The following DCLK1 variants were observed in gnomAD, a reference collection of about 807,000 sequenced individuals.
The protein encoded by DCLK1 is serine/threonine-protein kinase DCLK1.
In DCLK1, 16 loss-of-function variants were observed where a neutral mutation model predicts 86.2. That is an observed-to-expected ratio of 0.19 (90% confidence interval 0.13 to 0.28). The LOEUF (loss-of-function observed/expected upper bound fraction) is 0.28, where lower values mean the gene tolerates loss of function less well. DCLK1 is among the 10% of genes least tolerant of loss of function. The pLI is 1.00. For missense variants in DCLK1, 590 were observed against 940.2 expected (o/e 0.63, Z 4.87); for synonymous variants, 369 against 370.5 (o/e 1.00, Z 0.05).
At chr13:35,944,186 G>A (rs1186579942) in intron 4 of DCLK1, among the ~76,000 whole-genome samples, 1 of 152,208 alleles carries the variant, frequency 6.6e-6, no homozygotes, top group Non-Finnish European at 1.5e-5. Context: ...GACATCCTTA[G>A]GAGATTTCCT....
intron 3 of DCLK1, among the ~76,000 whole-genome samples, chr13:36,101,688 C>T (rs749748013): frequency 9.9e-5 from 15 of 152,042 alleles, no homozygotes; most frequent in Non-Finnish European, 1.5e-4. Context: ...CCCTGGTGGC[C>T]TTGCTGCTGC....
At chr13:36,074,563 C>A (rs1016197640) in intron 3 of DCLK1, among the ~76,000 whole-genome samples, 8 of 129,414 alleles carry the variant, frequency 6.2e-5, no homozygotes, top group Non-Finnish European at 1.3e-4. Context: ...ATTGCAGAAA[C>A]AGATTATCCG....
At chr13:36,045,570 G>A (rs1882879064) in intron 3 of DCLK1, among the ~76,000 whole-genome samples, 1 of 151,766 alleles carries the variant, frequency 6.6e-6, no homozygotes, top group South Asian at 2.1e-4. Flanking sequence ...TTTGTCATCA[G>A]GTCGGGTGTG....
At chr13:35,828,782 T>C (rs1273449733) in intron 8 of DCLK1, among the ~76,000 whole-genome samples, 1 of 152,178 alleles carries the variant, frequency 6.6e-6, no homozygotes, top group Non-Finnish European at 1.5e-5. Context: ...AAAGCAGAGA[T>C]GAGTTTCCGC....
At chr13:35,963,805 G>A (rs912893967) in intron 3 of DCLK1, among the ~76,000 whole-genome samples, 1 of 152,026 alleles carries the variant, frequency 6.6e-6, no homozygotes, top group African/African-American at 2.4e-5. Context: ...TCTCTAATCT[G>A]CAGCCATGTA....
chr13:36,124,021 A>G (rs989798094), intron 2 of DCLK1, among the ~76,000 whole-genome samples: 4 of 152,144 alleles, frequency 2.6e-5, no homozygotes, highest in Admixed American at 6.5e-5. Context: ...TGATTGAAGT[A>G]CCCCAACCCC....
intron 3 of DCLK1, among the ~76,000 whole-genome samples, chr13:35,989,136 G>A (rs750625415): frequency 5.3e-5 from 8 of 152,080 alleles, no homozygotes; most frequent in Non-Finnish European, 1.0e-4. Context: ...AACACCTACC[G>A]CATGCTCTGC....
At chr13:35,834,705 G>T (rs558307932) in intron 8 of DCLK1, among the ~76,000 whole-genome samples, 4 of 152,278 alleles carry the variant, frequency 2.6e-5, no homozygotes, top group African/African-American at 7.2e-5. Context: ...GTGGAGAGGT[G>T]GGGGAATGAG....
At chr13:35,856,813 A>G (rs977590384) in intron 5 of DCLK1, among the ~76,000 whole-genome samples, 1 of 152,192 alleles carries the variant, frequency 6.6e-6, no homozygotes, top group Non-Finnish European at 1.5e-5. Flanking sequence ...ATCAGTATGT[A>G]TATATATTAC....
At chr13:35,915,802 A>C (rs1419795123) in intron 4 of DCLK1, among the ~76,000 whole-genome samples, 2 of 152,220 alleles carry the variant, frequency 1.3e-5, no homozygotes, top group African/African-American at 4.8e-5. Flanking sequence ...TAATCTAAAC[A>C]TTCAAAGAAA....
At chr13:35,905,864 G>A (rs930978956) in intron 4 of DCLK1, among the ~76,000 whole-genome samples, 2 of 151,944 alleles carry the variant, frequency 1.3e-5, no homozygotes, top group Non-Finnish European at 2.9e-5. Context: ...GCCAGGGCGA[G>A]GATTTCCTAA....
chr13:35,820,874 C>T (rs2087377313), intron 11 of DCLK1, among the ~76,000 whole-genome samples: 1 of 152,224 alleles, frequency 6.6e-6, no homozygotes, highest in African/African-American at 2.4e-5. Flanking sequence ...CCAGTAGCTA[C>T]AAGATTACCA....
intron 3 of DCLK1, among the ~76,000 whole-genome samples, chr13:35,980,218 G>A (rs1050023393): frequency 2.6e-5 from 4 of 152,168 alleles, no homozygotes; most frequent in Non-Finnish European, 4.4e-5. Context: ...CAATGTGGGA[G>A]GCCAAGGCGG....
chr13:36,092,555 C>T (rs1164580745), intron 3 of DCLK1, among the ~76,000 whole-genome samples: 3 of 131,444 alleles, frequency 2.3e-5, no homozygotes, highest in African/African-American at 5.7e-5. Context: ...GGCGGGATCT[C>T]GGCTCACTGC....
chr13:35,900,035 T>A (rs1354131109), intron 4 of DCLK1, among the ~76,000 whole-genome samples: 4 of 152,132 alleles, frequency 2.6e-5, no homozygotes, highest in African/African-American at 9.7e-5. Flanking sequence ...TTTTCTTCAT[T>A]AATTAGCACA....
chr13:35,903,568 C>A (rs1006754889), intron 4 of DCLK1, among the ~76,000 whole-genome samples: 1 of 152,074 alleles, frequency 6.6e-6, no homozygotes, highest in South Asian at 2.1e-4. Flanking sequence ...AACCAGAGAG[C>A]CTTTAATATT....
At chr13:35,931,971 G>A (rs1450466540) in intron 4 of DCLK1, among the ~76,000 whole-genome samples, 1 of 152,214 alleles carries the variant, frequency 6.6e-6, no homozygotes, top group Non-Finnish European at 1.5e-5. Flanking sequence ...CACTGGGTAT[G>A]TAACTGTGAT....
At chr13:35,802,271 G>T (rs1012063741) in intron 15 of DCLK1, among the ~76,000 whole-genome samples, 1 of 151,584 alleles carries the variant, frequency 6.6e-6, no homozygotes, top group Non-Finnish European at 1.5e-5. Context: ...GGTCGAGGCT[G>T]CAGTGAGCCA....
intron 3 of DCLK1, among the ~76,000 whole-genome samples, chr13:35,988,723 A>G (rs1382546479): frequency 6.6e-6 from 1 of 152,188 alleles, no homozygotes; most frequent in Non-Finnish European, 1.5e-5. Context: ...CTGAAATACT[A>G]GTGTGTCTTG....
Sources: gnomAD v4.1 joint callset for allele counts (sites outside exome capture counted in the v4.1 genomes callset) on GRCh38, gnomAD v4.1.1 for gene constraint, MANE v1.5 for transcripts, NCBI Gene and HGNC (gene_info 2026-07-23, HGNC 2026-07-21) for gene names.